Variants in ZDHHC17 observed in about 807,000 individuals in gnomAD.
The protein encoded by ZDHHC17 is palmitoyltransferase ZDHHC17.
In ZDHHC17, 40 loss-of-function variants were observed where a neutral mutation model predicts 90.3. The observed-to-expected ratio is 0.44, with a 90% CI of 0.34 to 0.58. The LOEUF (loss-of-function observed/expected upper bound fraction) is 0.58, where lower values mean the gene tolerates loss of function less well. Ranked by LOEUF, ZDHHC17 falls within the 20% of genes least tolerant of loss-of-function variation. The probability of loss-of-function intolerance (pLI) is 0.01; values close to 1 mark genes in which losing one functional copy is unlikely to be tolerated. For synonymous variants in ZDHHC17, 235 were observed against 252.4 expected (o/e 0.93, Z 0.65); for missense variants, 614 against 780.8 (o/e 0.79, Z 2.55).
intron 2 of ZDHHC17, among the ~76,000 whole-genome samples, chr12:76,801,719 G>T (rs75617094): frequency 0.073 from 11,101 of 152,198 alleles, 573 homozygotes; most frequent in Non-Finnish European, 0.11. Context: ...AATTTATACA[G>T]ATTAATGCCA....
intron 3 of ZDHHC17, among the ~76,000 whole-genome samples, chr12:76,808,795 G>T (rs1952985507): frequency 1.3e-5 from 2 of 150,046 alleles, no homozygotes; most frequent in Admixed American, 6.6e-5. Flanking sequence ...GATTTTTTTG[G>T]CATTTTTATT....
intron 15 of ZDHHC17, among the ~76,000 whole-genome samples, chr12:76,848,897 C>T (rs1390556906): frequency 6.6e-6 from 1 of 152,004 alleles, no homozygotes; most frequent in Non-Finnish European, 1.5e-5. Context: ...TTCTGATGAT[C>T]TCCTGATGGA....
intron 7 of ZDHHC17, among the ~76,000 whole-genome samples, chr12:76,820,502 C>T (rs1197910428): frequency 6.6e-6 from 1 of 152,154 alleles, no homozygotes; most frequent in Non-Finnish European, 1.5e-5. Context: ...GAGTGCTACA[C>T]AAGCAGTTAT....
chr12:76,766,668 C>G (rs1016047613), intron 1 of ZDHHC17, among the ~76,000 whole-genome samples: 19 of 152,218 alleles, frequency 1.2e-4, no homozygotes, highest in African/African-American at 4.6e-4. Flanking sequence ...AATTCGGTAA[C>G]TAGCTAAGTG....
At chr12:76,809,620 C>A in intron 4 of ZDHHC17, 93 bp from the exon 5 acceptor site, 1 of 1,035,530 alleles carries the variant, frequency 9.7e-7, no homozygotes, top group Non-Finnish European at 1.3e-6. Flanking sequence ...CATACGTAAT[C>A]TTCCCACCAT....
chr12:76,792,100 T>C (rs1302365791), intron 1 of ZDHHC17, among the ~76,000 whole-genome samples: 4 of 152,104 alleles, frequency 2.6e-5, no homozygotes, highest in Admixed American at 6.6e-5. Flanking sequence ...GTAAGAAGAG[T>C]TGAAAATTCC....
chr12:76,805,654 A>T lies in ZDHHC17; in HGVS notation c.320+215A>T, dbSNP rs151192982. On this transcript the variant is annotated intron_variant, in intron 3 of 16. Transcript: ENST00000426126. Reference sequence around the variant, plus strand: ...TACTGTACTGAGTACTTTTCCATATATGTTTTCTTTACTTCTTAATTCTTA... The same window carrying T: ...TACTGTACTGAGTACTTTTCCATATTTGTTTTCTTTACTTCTTAATTCTTA... 2.1e-3 allele frequency among the ~76,000 whole-genome samples: 316 copies of T among 152,324 alleles called. 1 individual carries two copies. The highest frequency in any genetic ancestry group is 9.9e-3 in the South Asian group (48 of 4,826).
intron 1 of ZDHHC17, among the ~76,000 whole-genome samples, chr12:76,787,363 C>G (rs1952699638): frequency 6.6e-6 from 1 of 152,156 alleles, no homozygotes; most frequent in Non-Finnish European, 1.5e-5. Flanking sequence ...AATGTAACAG[C>G]CTGTTGGCAT....
intron 9 of ZDHHC17, among the ~76,000 whole-genome samples, chr12:76,827,735 G>C (rs1953246375): frequency 6.6e-6 from 1 of 152,050 alleles, no homozygotes; most frequent in South Asian, 2.1e-4. Context: ...ATAATATGCT[G>C]AGTGGCTTAA....
intron 1 of ZDHHC17, among the ~76,000 whole-genome samples, chr12:76,766,721 C>A (rs970667033): frequency 1.3e-5 from 2 of 152,024 alleles, no homozygotes; most frequent in Admixed American, 1.3e-4. Flanking sequence ...CAGTTGTAAT[C>A]AGAAAATGGA....
rs567878988 is a variant in ZDHHC17, at chr12:76,824,862, G to T, written c.898-2046G>T. 1.5e-3 allele frequency among the ~76,000 whole-genome samples: 229 copies of T among 150,234 alleles called. 1 individual carries two copies. Among genetic ancestry groups the T allele is most frequent in the Non-Finnish European group, 2.4e-3 (163 of 67,750 alleles). On this transcript the variant is annotated intron_variant, in intron 8 of 16. Transcript: ENST00000426126. Reference sequence around the variant, plus strand: ...TATCTCCAAAAAAAAAAAAGAAAGGGGGACAATATTTTTAGAAAACAATTT... The same window carrying T: ...TATCTCCAAAAAAAAAAAAGAAAGGTGGACAATATTTTTAGAAAACAATTT...
intron 1 of ZDHHC17, among the ~76,000 whole-genome samples, chr12:76,775,351 G>A (rs1332913165): frequency 6.6e-6 from 1 of 152,122 alleles, no homozygotes; most frequent in Non-Finnish European, 1.5e-5. Flanking sequence ...ATATTTCAGT[G>A]TTCTTGGTGG....
Position 76,853,457 on chromosome 12 carries a change from G to T in ZDHHC17, c.*2472G>T, listed in dbSNP as rs568699491. 1.3e-5 allele frequency: 2 copies of T among 152,300 alleles called. No homozygotes were observed. The highest frequency in any genetic ancestry group is 1.3e-4 in the Admixed American group (2 of 15,254). The allele number at this position is 152,300 out of a possible 1,614,324, so 9.4% of individuals were successfully genotyped here. On this transcript the variant is annotated 3_prime_UTR_variant, in exon 17 of 17. Transcript: ENST00000426126. ...GGAGTTTTTTTTCATTCATATTTTT[G>T]TTGTTTCCAGGAATTTATTTGATAT...
chr12:76,847,997 T>G (rs573181617), intron 14 of ZDHHC17, among the ~76,000 whole-genome samples: 8 of 152,368 alleles, frequency 5.3e-5, no homozygotes, highest in Non-Finnish European at 1.2e-4. Flanking sequence ...AATAAAATTG[T>G]TAATTCTGAA....
chr12:76,834,316 T>C (rs1048540433), intron 10 of ZDHHC17, among the ~76,000 whole-genome samples: 2 of 152,224 alleles, frequency 1.3e-5, no homozygotes, highest in Non-Finnish European at 2.9e-5. Context: ...TTTTGAAATA[T>C]TGACAAAAGT....
At chr12:76,794,422 A>C (rs1171793660) in intron 1 of ZDHHC17, among the ~76,000 whole-genome samples, 1 of 152,212 alleles carries the variant, frequency 6.6e-6, no homozygotes, top group African/African-American at 2.4e-5. Context: ...CTAGTCCTAG[A>C]GATAAACCAG....
At chr12:76,768,133 C>T (rs1238564826) in intron 1 of ZDHHC17, among the ~76,000 whole-genome samples, 1 of 152,166 alleles carries the variant, frequency 6.6e-6, no homozygotes, top group African/African-American at 2.4e-5. Flanking sequence ...AAGGCCCTGG[C>T]ATATAGTGAA....
chr12:76,768,644 GGACAGA>G (rs1030504372), intron 1 of ZDHHC17, among the ~76,000 whole-genome samples: 1 of 152,126 alleles, frequency 6.6e-6, no homozygotes, highest in Non-Finnish European at 1.5e-5. Flanking sequence ...TTCCGTAGAG[GGACAGA>G]GACCATATGT....
At chr12:76,825,164 A>T (rs912302199) in intron 8 of ZDHHC17, among the ~76,000 whole-genome samples, 7 of 152,296 alleles carry the variant, frequency 4.6e-5, no homozygotes, top group African/African-American at 1.4e-4. Context: ...TGGTTGTGAC[A>T]TGCTACTGTT....
Sources: gnomAD v4.1 joint callset for allele counts (sites outside exome capture counted in the v4.1 genomes callset) on GRCh38, gnomAD v4.1.1 for gene constraint, MANE v1.5 for transcripts, NCBI Gene and HGNC (gene_info 2026-07-23, HGNC 2026-07-21) for gene names.